The following PDE4B variants were observed in gnomAD, a reference collection of about 807,000 sequenced individuals.
PDE4B encodes phosphodiesterase 4B, also known as 3',5'-cyclic-AMP phosphodiesterase 4B.
PDE4B carries 20 observed loss-of-function variants against 82.2 expected under a neutral mutation model. That is an observed-to-expected ratio of 0.24 (90% CI 0.17 to 0.35). PDE4B has a LOEUF of 0.35. PDE4B is among the 10% of genes least tolerant of loss of function. The pLI, the probability that PDE4B is intolerant of heterozygous loss-of-function variation, is 1.00. For missense variants in PDE4B, 655 were observed against 907.2 expected (o/e 0.72, Z 3.57); for synonymous variants, 320 against 318.9 (o/e 1.00, Z -0.04).
intron 7 of PDE4B, among the ~76,000 whole-genome samples, chr1:66,314,111 T>A (rs1272347129): frequency 6.6e-6 from 1 of 152,188 alleles, no homozygotes; most frequent in African/African-American, 2.4e-5. Flanking sequence ...CTTAAACATA[T>A]ACTTTTTCCT....
rs1025462386 is a variant in PDE4B, at chr1:65,919,833, T to C, written c.281+998T>C. Among the ~76,000 whole-genome samples, 4 of 152,176 alleles carry C rather than the reference T, an allele frequency of 2.6e-5. No homozygotes were observed. The East Asian group carries it at 7.7e-4, about 29-fold the overall frequency. ...AATAATGATATACGGCATCTTGACA[T>C]CCTTTAGTCAATGTTTACCTGACAC... On this transcript the variant is annotated intron_variant, in intron 3 of 16. Coordinates refer to ENST00000341517, the MANE Select transcript of PDE4B (RefSeq NM_002600.4).
intron 1 of PDE4B, among the ~76,000 whole-genome samples, chr1:65,820,584 G>A (rs1159681921): frequency 5.3e-5 from 8 of 152,126 alleles, no homozygotes; most frequent in African/African-American, 1.2e-4. Flanking sequence ...TAAGTAAGAT[G>A]TATCTTAGCC....
chr1:66,361,782 C>A lies in PDE4B; in HGVS notation c.1009C>A (p.His337Asn). The change falls in exon 10 of 17, where the codon CAC becomes AAC. Residue 337 changes from histidine to asparagine, a missense_variant. His to Asn is a moderately conservative substitution (Grantham distance 68). This residue lies in a region of PDE4B where 283 missense variants were observed against 516.4 expected (regional missense o/e 0.55). Coordinates refer to ENST00000341517, the MANE Select transcript of PDE4B (RefSeq NM_002600.4). ...RFGVNTENED[H>N]LAKELEDLNK... ...TGGAGTCAACACTGAAAATGAAGATCACCTGGCCAAGGTGTGTATAAGCTC... is the reference window on the plus strand; with the variant it reads ...TGGAGTCAACACTGAAAATGAAGATAACCTGGCCAAGGTGTGTATAAGCTC... 1.2e-6 allele frequency: 2 copies of A among 1,611,344 alleles called. No homozygotes were observed. The highest frequency in any genetic ancestry group is 2.2e-5 in the South Asian group (2 of 90,722).
At chr1:66,190,314 T>G (rs1647657633) in intron 3 of PDE4B, among the ~76,000 whole-genome samples, 1 of 152,210 alleles carries the variant, frequency 6.6e-6, no homozygotes, top group African/African-American at 2.4e-5. Flanking sequence ...CTGTCCATTC[T>G]CAGATCTCCA....
At chr1:66,171,761 G>T (rs1209369327) in intron 3 of PDE4B, among the ~76,000 whole-genome samples, 3 of 152,054 alleles carry the variant, frequency 2.0e-5, no homozygotes, top group South Asian at 4.1e-4. Flanking sequence ...TGAAGATTGT[G>T]ATGTAATATG....
chr1:65,916,882 T>G (rs1339818893), intron 2 of PDE4B, among the ~76,000 whole-genome samples: 1 of 152,090 alleles, frequency 6.6e-6, no homozygotes, highest in Non-Finnish European at 1.5e-5. Flanking sequence ...TCTGGAAAAT[T>G]TTAAATTGTT....
At position 65,979,591 on chromosome 1, in the gene PDE4B, A is replaced by G. The variant is rs141666600; in HGVS notation, c.281+60756A>G. On this transcript the variant is annotated intron_variant, in intron 3 of 16. Coordinates refer to ENST00000341517, the MANE Select transcript of PDE4B (RefSeq NM_002600.4). The stretch of plus-strand genomic sequence containing the variant: ...CAAGGCTTAATCTTGCCTGTTGTCT[A>G]TCATTCCACATGTTTTTTTACACCT... Among the ~76,000 whole-genome samples, 278 of 152,328 alleles carry G rather than the reference A, an allele frequency of 1.8e-3. 1 individual carries two copies. Among genetic ancestry groups the G allele is most frequent in the Non-Finnish European group, 3.1e-3 (208 of 68,034 alleles).
At chr1:66,274,341 T>A (rs12727521) in intron 7 of PDE4B, among the ~76,000 whole-genome samples, 9,877 of 130,220 alleles carry the variant, frequency 0.076, 559 homozygotes, top group East Asian at 0.24. Flanking sequence ...TTTTTTTTTT[T>A]TATATATTTT....
At chr1:65,838,513 A>ATATATG (rs1219614847) in intron 1 of PDE4B, among the ~76,000 whole-genome samples, 79 of 147,992 alleles carry the variant, frequency 5.3e-4, no homozygotes, top group African/African-American at 1.9e-3. Flanking sequence ...GTATATGTAT[A>ATATATG]TATATGTATA....
chr1:65,853,968 C>T (rs1646362469), intron 1 of PDE4B, among the ~76,000 whole-genome samples: 1 of 152,046 alleles, frequency 6.6e-6, no homozygotes, highest in Non-Finnish European at 1.5e-5. Flanking sequence ...TATTTATTGA[C>T]CATCCTTTGG....
At chr1:66,159,165 A>G (rs1646559063) in intron 3 of PDE4B, among the ~76,000 whole-genome samples, 1 of 152,216 alleles carries the variant, frequency 6.6e-6, no homozygotes, top group African/African-American at 2.4e-5. Context: ...ATCATTACAT[A>G]ATGTGTACAT....
intron 7 of PDE4B, among the ~76,000 whole-genome samples, chr1:66,317,458 A>T (rs1659103790): frequency 2.0e-5 from 3 of 152,158 alleles, no homozygotes; most frequent in South Asian, 4.1e-4. Flanking sequence ...TCCCTTCTTA[A>T]TTAAACTGTC....
chr1:66,103,829 C>A (rs1359829900), intron 3 of PDE4B, among the ~76,000 whole-genome samples: 2 of 152,022 alleles, frequency 1.3e-5, no homozygotes, highest in Non-Finnish European at 1.5e-5. Context: ...TCATATGCTC[C>A]ATTACTTTCT....
chr1:66,352,656 T>A (rs570412849), intron 8 of PDE4B, among the ~76,000 whole-genome samples: 2 of 152,318 alleles, frequency 1.3e-5, no homozygotes, highest in South Asian at 4.1e-4. Flanking sequence ...CCCTAATATA[T>A]CTATTCCTAC....
chr1:66,017,832 T>A (rs182162261), intron 3 of PDE4B, among the ~76,000 whole-genome samples: 158 of 145,852 alleles, frequency 1.1e-3, no homozygotes, highest in African/African-American at 2.9e-3. Flanking sequence ...GTGAGATTTT[T>A]AAAAAATATA....
At chr1:66,332,670 C>G in intron 8 of PDE4B, 50 bp downstream of exon 8, 5 of 1,465,228 alleles carry the variant, frequency 3.4e-6, no homozygotes, top group Non-Finnish European at 4.7e-6. Flanking sequence ...CAGGGAGCTC[C>G]AGCTCCCCTC....
At chr1:66,165,883 T>G (rs1311795913) in intron 3 of PDE4B, among the ~76,000 whole-genome samples, 1 of 151,622 alleles carries the variant, frequency 6.6e-6, no homozygotes, top group Non-Finnish European at 1.5e-5. Flanking sequence ...TTGGAGAAAT[T>G]GACAAGCTGA....
chr1:65,985,303 GGATTT>G (rs574591155), intron 3 of PDE4B, among the ~76,000 whole-genome samples: 2 of 151,976 alleles, frequency 1.3e-5, no homozygotes, highest in African/African-American at 2.4e-5. Context: ...GCAGTGGAGT[GGATTT>G]GATTTAATAT....
At chr1:65,949,744 G>C (rs553688468) in intron 3 of PDE4B, among the ~76,000 whole-genome samples, 1 of 152,160 alleles carries the variant, frequency 6.6e-6, no homozygotes, top group African/African-American at 2.4e-5. Flanking sequence ...TAAGATACCT[G>C]CCTCACTTGA....
Sources: gnomAD v4.1 joint callset for allele counts (sites outside exome capture counted in the v4.1 genomes callset) on GRCh38, gnomAD v4.1.1 for gene constraint, gnomAD v4.1.1 regional missense constraint, MANE v1.5 for transcripts, NCBI Gene and HGNC (gene_info 2026-07-23, HGNC 2026-07-21) for gene names.